Variants in AP3B2 observed in about 807,000 individuals in gnomAD.
AP3B2 encodes the protein AP-3 complex subunit beta-2.
AP3B2 carries 50 observed loss-of-function variants against 126.9 expected under a neutral mutation model. The observed-to-expected ratio is 0.39, with a 90% CI of 0.31 to 0.50. AP3B2 has a LOEUF of 0.50. Among genes scored for constraint, AP3B2 ranks in the 20% least tolerant of loss-of-function variants. The pLI is 0.79. For missense variants in AP3B2, 1,177 were observed against 1,426.4 expected, an observed-to-expected ratio of 0.83 and a Z score of 2.82; for synonymous variants, 541 against 565.0, an observed-to-expected ratio of 0.96 and a Z score of 0.60.
chr15:82,668,782 A>T (rs1023973326), intron 14 of AP3B2, among the ~76,000 whole-genome samples: 3 of 152,052 alleles, frequency 2.0e-5, no homozygotes, highest in African/African-American at 7.2e-5. Context: ...AGGCTGTTCA[A>T]GAAGGCCTCT....
chr15:82,709,456 G>T (rs1193816542), intron 1 of AP3B2, 138 bp downstream of exon 1: 1 of 382,764 alleles, frequency 2.6e-6, no homozygotes, highest in East Asian at 1.5e-4. Context: ...CAGGCCGCAG[G>T]AGGGGGCCGG....
At chr15:82,667,253 C>T (rs549388323) in intron 14 of AP3B2, among the ~76,000 whole-genome samples, 2 of 152,318 alleles carry the variant, frequency 1.3e-5, no homozygotes, top group Admixed American at 1.3e-4. Flanking sequence ...CCACTCCAGG[C>T]CTGTCCAGCC....
chr15:82,700,396 G>GTTTTTTTTTTTTTTTT (rs1567275643), intron 1 of AP3B2, among the ~76,000 whole-genome samples: 1 of 11,264 alleles, frequency 8.9e-5, no homozygotes, highest in African/African-American at 3.2e-4. Context: ...GTGGTGGGTG[G>GTTTTTTTTTTTTTTTT]CTTTTTTTTT....
In AP3B2 at chr15:82,677,345, A is replaced by G; in HGVS notation, c.1417T>C (p.Leu473=). The stretch of plus-strand genomic sequence containing the variant: ...TGTTGTGCTGGCTGCATCTGTAGCA[A>G]TTTCTTAATGACGACCACTGACTCT... ...VAESVVVIKK[L]LQMQPAQHGE... The change falls in exon 13 of 27, where the codon TTG becomes CTG. Residue 473 remains leucine (L), a synonymous_variant. Coordinates refer to ENST00000535359, the MANE Select transcript of AP3B2 (RefSeq NM_001278512.2). The G allele has an allele frequency of 1.2e-6, 2 of 1,613,812 alleles. No individual in the cohort carries two copies. Among genetic ancestry groups the G allele is most frequent in the Middle Eastern group, 1.6e-4 (1 of 6,062 alleles).
At chr15:82,682,269 T>C (rs1319261505) in intron 4 of AP3B2, among the ~76,000 whole-genome samples, 1 of 151,992 alleles carries the variant, frequency 6.6e-6, no homozygotes, top group East Asian at 1.9e-4. Flanking sequence ...GCCAGGCTGG[T>C]CTCGAACTCC....
chr15:82,680,309 A>G lies in AP3B2; in HGVS notation c.1056-80T>C. The G allele has an allele frequency of 6.3e-7, 1 of 1,596,932 alleles. No individual in the cohort carries two copies. Among genetic ancestry groups the G allele is most frequent in the Non-Finnish European group, 8.5e-7 (1 of 1,170,852 alleles). Reference sequence around the variant, plus strand: ...GCGGATGAGGGGAAAAGGTGGGGCAAGTCGTTGCGGGGAGAGGACCAGTGC... The same window carrying G: ...GCGGATGAGGGGAAAAGGTGGGGCAGGTCGTTGCGGGGAGAGGACCAGTGC... On this transcript the variant is annotated intron_variant, in intron 8 of 26. Coordinates refer to ENST00000535359, the MANE Select transcript of AP3B2 (RefSeq NM_001278512.2). The surrounding 1 kb of genome is among the most constrained non-coding windows in gnomAD (Gnocchi z 6.1).
rs150362907 is a variant in AP3B2 at position 82,667,283 on chromosome 15, G to C, written c.1666-350C>G. 6.7e-3 allele frequency among the ~76,000 whole-genome samples: 1,023 copies of C among 152,312 alleles called. 7 individuals are homozygous for C. Among genetic ancestry groups the C allele is most frequent in the African/African-American group, 0.023 (955 of 41,546 alleles). ...CCAGCCTCTTTACTCTAGGGCAGCA[G>C]GGTATGTGGAAGTATGGAATGCTCT... On this transcript the variant is annotated intron_variant, in intron 14 of 26. Coordinates refer to ENST00000535359, the MANE Select transcript of AP3B2 (RefSeq NM_001278512.2).
chr15:82,690,642 CTTTTTTTTTTTT>C (rs147811093), intron 1 of AP3B2, among the ~76,000 whole-genome samples: 2 of 68,910 alleles, frequency 2.9e-5, no homozygotes, highest in African/African-American at 6.6e-5. Flanking sequence ...TTTTCTTCTT[CTTTTTTTTTTTT>C]TTTTTTTTTT....
intron 15 of AP3B2, 117 bp downstream of exon 15, chr15:82,666,630 A>C: frequency 8.7e-7 from 1 of 1,147,272 alleles, no homozygotes; most frequent in Non-Finnish European, 1.2e-6. Context: ...GCCAGGGAGC[A>C]GGACTGTCCA....
chr15:82,696,691 C>T (rs1222854279), intron 1 of AP3B2, among the ~76,000 whole-genome samples: 1 of 152,200 alleles, frequency 6.6e-6, no homozygotes, highest in Non-Finnish European at 1.5e-5. Flanking sequence ...ATAGACACAG[C>T]CCTGAGCTGT....
Position 82,679,466 on chromosome 15 carries a change from G to A in AP3B2, c.1182+263C>T, listed in dbSNP as rs1316800233. Among the ~76,000 whole-genome samples, 3 of 152,186 alleles carry A rather than the reference G, an allele frequency of 2.0e-5. No individual in the cohort carries two copies. The South Asian group carries it at 6.2e-4, about 32-fold the overall frequency. ...AAGGAATATAATGTACACATCCTGGGATTATTATGAGGTGATATCAGGTTA... is the reference window on the plus strand; with the variant it reads ...AAGGAATATAATGTACACATCCTGGAATTATTATGAGGTGATATCAGGTTA... On this transcript the variant is annotated intron_variant, in intron 10 of 26. Transcript: ENST00000535359.
intron 3 of AP3B2, 50 bp from the exon 4 acceptor site, chr15:82,688,881 GCCCACCCC>G (rs2048476537): frequency 6.6e-7 from 1 of 1,509,498 alleles, no homozygotes; most frequent in African/African-American, 1.4e-5. Context: ...AGGCACCTGT[GCCCACCCC>G]CCTACCCCTG....
intron 1 of AP3B2, 78 bp from the exon 2 acceptor site, chr15:82,689,531 G>A: frequency 1.4e-6 from 2 of 1,404,868 alleles, no homozygotes; most frequent in Non-Finnish European, 2.0e-6. Flanking sequence ...CAGGCACAAA[G>A]AAGGGACATG....
rs748056551 is a variant in AP3B2 at position 82,677,702 on chromosome 15, A to G, written c.1347T>C (p.Asn449=). The change falls in exon 12 of 27, where the codon AAT becomes AAC. Residue 449 remains asparagine (N), a synonymous_variant. Transcript: ENST00000535359. The stretch of plus-strand genomic sequence containing the variant: ...GGTTGGACAGCAGCTGCACCAGGCC[A>G]TTGAGGCAGGTGTCACGGACTCGGC... ...NIGRVRDTCL[N]GLVQLLSNRD... is the part of the protein sequence containing the mutation. The G allele has an allele frequency of 1.3e-6, 2 of 1,588,846 alleles. No individual in the cohort carries two copies. The highest frequency in any genetic ancestry group is 1.7e-6 in the Non-Finnish European group (2 of 1,167,388).
intron 4 of AP3B2, among the ~76,000 whole-genome samples, chr15:82,683,058 T>G (rs898300696): frequency 1.7e-5 from 2 of 119,276 alleles, no homozygotes; most frequent in Non-Finnish European, 3.4e-5. Context: ...TTTTTTTTTT[T>G]TTTTTTTTTT....
Position 82,664,502 on chromosome 15 carries a change from C to A in AP3B2, c.2138-12G>T, listed in dbSNP as rs75449949. 1.5e-3 allele frequency: 2,387 copies of A among 1,609,872 alleles called. 57 individuals carry two copies. In the East Asian group the frequency reaches 0.047, roughly 32 times the overall value. On this transcript the variant is annotated splice_polypyrimidine_tract_variant and intron_variant, in intron 18 of 26. Transcript: ENST00000535359. This position sits in a 1 kb window ranked among gnomAD's most constrained non-coding sequence, Gnocchi z 4.5. Reference sequence around the variant, plus strand: ...CTCAGACTCAGGGTCTGTGGAGGAACAATATGAGGCCTCCTCCCTCATATG... The same window carrying A: ...CTCAGACTCAGGGTCTGTGGAGGAAAAATATGAGGCCTCCTCCCTCATATG...
chr15:82,695,996 T>C (rs2048624258), intron 1 of AP3B2, among the ~76,000 whole-genome samples: 2 of 152,228 alleles, frequency 1.3e-5, no homozygotes, highest in East Asian at 1.9e-4. Flanking sequence ...TGTATGAGAG[T>C]AGGAGAAACA....
At chr15:82,702,251 A>G (rs894252497) in intron 1 of AP3B2, among the ~76,000 whole-genome samples, 2 of 152,210 alleles carry the variant, frequency 1.3e-5, no homozygotes, top group Non-Finnish European at 2.9e-5. Context: ...TACAATCTCA[A>G]TATGTCCAAA....
At position 82,665,387 on chromosome 15, in the gene AP3B2, A is replaced by G. The variant is rs2048035788; in HGVS notation, c.1971+70T>C. The G allele has an allele frequency of 7.7e-5, 11 of 142,622 alleles. No homozygotes were observed. The South Asian group carries it at 7.8e-4, about 10-fold the overall frequency. 8.8% of individuals were successfully genotyped at this position (142,622 alleles called of 1,614,324 possible). ...TGTCTGCCCCCACCAACACACACAC[A>G]CACACACACACACACACACACACAC... On this transcript the variant is annotated intron_variant, in intron 16 of 26. Transcript: ENST00000535359. The surrounding 1 kb of genome is among the most constrained non-coding windows in gnomAD (Gnocchi z 4.4).
Sources: allele counts gnomAD v4.1 joint callset (sites outside exome capture counted in the v4.1 genomes callset), GRCh38; gene constraint gnomAD v4.1.1; non-coding constraint Gnocchi (gnomAD v3.1); transcripts MANE v1.5; gene names NCBI Gene and HGNC (gene_info 2026-07-23, HGNC 2026-07-21).